The following SYNPR variants were observed in gnomAD, a reference collection of about 807,000 sequenced individuals.
SYNPR encodes synaptoporin.
A neutral mutation model predicts 32.9 loss-of-function variants in SYNPR; 23 were observed. The ratio of observed to expected loss-of-function variants is 0.70; its 90% CI spans 0.50 to 0.99. The LOEUF (loss-of-function observed/expected upper bound fraction) is 0.99. SYNPR is among the 50% of genes least tolerant of loss of function. The pLI is 0.00. For missense variants in SYNPR, 318 were observed against 349.3 expected, an observed-to-expected ratio of 0.91 and a Z score of 0.71; for synonymous variants, 146 against 135.9, an observed-to-expected ratio of 1.07 and a Z score of -0.52.
intron 4 of SYNPR, among the ~76,000 whole-genome samples, chr3:63,588,061 A>G (rs1422737646): frequency 1.3e-5 from 2 of 152,140 alleles, no homozygotes; most frequent in African/African-American, 2.4e-5. Context: ...TATTTTAATT[A>G]TCCATGCTTC....
At chr3:63,221,018 C>T in the SYNPR span, among the ~76,000 whole-genome samples, 1 of 152,130 alleles carries the variant, frequency 6.6e-6, no homozygotes. Context: ...GATCAATGCA[C>T]TAGGGTTCTG....
At chr3:63,495,641 G>C (rs1036184906) in intron 3 of SYNPR, among the ~76,000 whole-genome samples, 3 of 152,094 alleles carry the variant, frequency 2.0e-5, no homozygotes, top group Non-Finnish European at 4.4e-5. Context: ...TGTTGTTTAA[G>C]TTAAATTTTC....
At chr3:63,230,816 C>T (rs538089096) in intron 1 of SYNPR, among the ~76,000 whole-genome samples, 6 of 152,130 alleles carry the variant, frequency 3.9e-5, no homozygotes, top group African/African-American at 1.4e-4. Flanking sequence ...ATCTCAGTCC[C>T]TGAAACTTAT....
At chr3:63,579,788 A>AACAC (rs59802344) in intron 4 of SYNPR, among the ~76,000 whole-genome samples, 485 of 146,176 alleles carry the variant, frequency 3.3e-3, no homozygotes, top group African/African-American at 4.6e-3. Context: ...ATTTAACTAA[A>AACAC]ACACACACAC....
At chr3:63,387,651 G>C (rs1343840898) in intron 2 of SYNPR, among the ~76,000 whole-genome samples, 1 of 152,196 alleles carries the variant, frequency 6.6e-6, no homozygotes, top group East Asian at 1.9e-4. Context: ...CTCAGTCATA[G>C]CTACAGAGGT....
chr3:63,251,969 C>T (rs904912347), intron 1 of SYNPR, among the ~76,000 whole-genome samples: 8 of 151,848 alleles, frequency 5.3e-5, no homozygotes, highest in African/African-American at 1.7e-4. Context: ...GTCTTCCATA[C>T]TTGAGTTAGT....
At chr3:63,449,278 T>C (rs1263671545) in intron 2 of SYNPR, among the ~76,000 whole-genome samples, 1 of 152,148 alleles carries the variant, frequency 6.6e-6, no homozygotes, top group African/African-American at 2.4e-5. Context: ...AATAAATTTA[T>C]ATATTGGGTA....
intron 3 of SYNPR, among the ~76,000 whole-genome samples, chr3:63,268,764 T>A (rs2086511408): frequency 6.6e-6 from 1 of 152,182 alleles, no homozygotes; most frequent in African/African-American, 2.4e-5. Context: ...CAAACCCATG[T>A]TACTCAAGGA....
chr3:63,324,026 T>G (rs1332479448), intron 2 of SYNPR, among the ~76,000 whole-genome samples: 1 of 152,164 alleles, frequency 6.6e-6, no homozygotes, highest in Non-Finnish European at 1.5e-5. Flanking sequence ...TATAGTATAC[T>G]GCTTCAATAA....
At chr3:63,264,952 C>A (rs2086471220) in intron 2 of SYNPR, among the ~76,000 whole-genome samples, 1 of 151,866 alleles carries the variant, frequency 6.6e-6, no homozygotes, top group South Asian at 2.1e-4. Context: ...CAATTGCTTC[C>A]ACCTGGTCCC....
chr3:63,310,300 C>A (rs1243345548), intron 2 of SYNPR, among the ~76,000 whole-genome samples: 1 of 151,972 alleles, frequency 6.6e-6, no homozygotes, highest in Non-Finnish European at 1.5e-5. Flanking sequence ...GTGAAGGATG[C>A]AAACCTCCCT....
intron 1 of SYNPR, among the ~76,000 whole-genome samples, chr3:63,237,425 T>C (rs1218185426): frequency 6.6e-6 from 1 of 152,194 alleles, no homozygotes; most frequent in African/African-American, 2.4e-5. Context: ...ATTTTATTTC[T>C]TTGCTGAAAT....
At chr3:63,494,740 C>T (rs1014080657) in intron 3 of SYNPR, among the ~76,000 whole-genome samples, 1 of 151,870 alleles carries the variant, frequency 6.6e-6, no homozygotes, top group Non-Finnish European at 1.5e-5. Context: ...GATTGAATGC[C>T]TTGCCCTAGG....
At chr3:63,427,704 G>T (rs375462968) in intron 2 of SYNPR, 1 of 152,240 alleles carries the variant, frequency 6.6e-6, no homozygotes, top group South Asian at 2.1e-4. Context: ...TAATCCCCTA[G>T]AGGGGAGCTC....
intron 5 of SYNPR, among the ~76,000 whole-genome samples, chr3:63,614,515 T>C (rs1017173317): frequency 1.3e-5 from 2 of 152,234 alleles, no homozygotes; most frequent in African/African-American, 2.4e-5. Flanking sequence ...CTCTGAAACC[T>C]GCACTTTATT....
chr3:63,246,563 G>A (rs2086292318), intron 1 of SYNPR, among the ~76,000 whole-genome samples: 1 of 152,040 alleles, frequency 6.6e-6, no homozygotes, highest in African/African-American at 2.4e-5. Context: ...TAGATGCAGG[G>A]GGTAGGTATT....
chr3:63,270,884 C>A (rs1239866441), intron 3 of SYNPR, among the ~76,000 whole-genome samples: 1 of 87,548 alleles, frequency 1.1e-5, no homozygotes, highest in Non-Finnish European at 2.7e-5. Context: ...TCCTTCCTTC[C>A]TTCCTTCCTT....
intron 2 of SYNPR, among the ~76,000 whole-genome samples, chr3:63,394,116 A>G (rs997327985): frequency 2.6e-5 from 4 of 152,180 alleles, no homozygotes; most frequent in African/African-American, 9.7e-5. Context: ...GCACTAATAT[A>G]TAGTAGGTAC....
chr3:63,297,431 T>C (rs2086800503), intron 2 of SYNPR, among the ~76,000 whole-genome samples: 1 of 152,184 alleles, frequency 6.6e-6, no homozygotes, highest in African/African-American at 2.4e-5. Context: ...TTGTCTCTGA[T>C]AGGAAGCAAA....
Sources: gnomAD v4.1 joint callset for allele counts (sites outside exome capture counted in the v4.1 genomes callset) on GRCh38, gnomAD v4.1.1 for gene constraint, MANE v1.5 for transcripts, NCBI Gene and HGNC (gene_info 2026-07-23, HGNC 2026-07-21) for gene names.